ASTN2: variants seen among roughly 807,000 people sequenced by gnomAD.
ASTN2 encodes the protein astrotactin-2.
In ASTN2, 54 loss-of-function variants were observed where a neutral mutation model predicts 139.8. The ratio of observed to expected loss-of-function variants is 0.39; its 90% CI spans 0.31 to 0.48. ASTN2 has a LOEUF of 0.48. ASTN2 is among the 20% of genes least tolerant of loss of function. The pLI is 0.95. For synonymous variants in ASTN2, 756 were observed against 719.5 expected (o/e 1.05, Z -0.81); for missense variants, 1,565 against 1,725.1 (o/e 0.91, Z 1.64).
intron 1 of ASTN2, among the ~76,000 whole-genome samples, chr9:117,352,168 C>A (rs1187059428): frequency 6.6e-6 from 1 of 152,014 alleles, no homozygotes; most frequent in Non-Finnish European, 1.5e-5. Context: ...CAGGTCAGAC[C>A]CCAGAAAACA....
chr9:117,239,364 C>A (rs1833140762), intron 2 of ASTN2, among the ~76,000 whole-genome samples: 2 of 152,118 alleles, frequency 1.3e-5, no homozygotes, highest in Non-Finnish European at 2.9e-5. Context: ...GTGGTAAAAC[C>A]TGTCCACATG....
intron 3 of ASTN2, among the ~76,000 whole-genome samples, chr9:117,151,258 T>A (rs534960608): frequency 1.3e-5 from 2 of 152,258 alleles, no homozygotes; most frequent in African/African-American, 4.8e-5. Flanking sequence ...GACAGTGGAA[T>A]CCAATAATCC....
chr9:117,187,716 C>T (rs1301369157), intron 3 of ASTN2, among the ~76,000 whole-genome samples: 1 of 152,206 alleles, frequency 6.6e-6, no homozygotes, highest in Non-Finnish European at 1.5e-5. Flanking sequence ...TCACCAGATG[C>T]AGCCCTCCTA....
At chr9:117,371,273 C>T (rs536715084) in intron 1 of ASTN2, among the ~76,000 whole-genome samples, 35 of 152,296 alleles carry the variant, frequency 2.3e-4, no homozygotes, top group African/African-American at 7.0e-4. Context: ...GGACATTCCG[C>T]ACACAACTGG....
intron 16 of ASTN2, among the ~76,000 whole-genome samples, chr9:116,654,117 C>G (rs914490245): frequency 6.6e-6 from 1 of 152,166 alleles, no homozygotes; most frequent in African/African-American, 2.4e-5. Flanking sequence ...AGAGTCAGAG[C>G]AATGAGGACA....
intron 19 of ASTN2, among the ~76,000 whole-genome samples, chr9:116,599,595 G>A (rs140579447): frequency 1.3e-5 from 2 of 152,308 alleles, no homozygotes; most frequent in East Asian, 3.9e-4. Flanking sequence ...CACTGGTATG[G>A]ACAGATATGA....
At chr9:117,262,063 G>A (rs542366195) in intron 2 of ASTN2, among the ~76,000 whole-genome samples, 45 of 152,114 alleles carry the variant, frequency 3.0e-4, no homozygotes, top group African/African-American at 1.0e-3. Context: ...CTATCATTTA[G>A]GAATCAGAGA....
intron 5 of ASTN2, among the ~76,000 whole-genome samples, chr9:117,060,487 AT>A (rs1839247842): frequency 1.0e-3 from 75 of 72,302 alleles, no homozygotes; most frequent in Admixed American, 1.5e-3. Context: ...GAAGGAAGGA[AT>A]GAAAGAAAGA....
At chr9:117,002,007 C>T (rs1436209957) in intron 7 of ASTN2, among the ~76,000 whole-genome samples, 1 of 152,140 alleles carries the variant, frequency 6.6e-6, no homozygotes, top group Non-Finnish European at 1.5e-5. Context: ...CTAAATTTTA[C>T]AAAGTGGATC....
At chr9:117,141,587 G>C (rs1398517349) in intron 3 of ASTN2, 109 bp from the exon 4 acceptor site, 5 of 1,021,934 alleles carry the variant, frequency 4.9e-6, no homozygotes, top group East Asian at 5.7e-5. Context: ...TAGAGCACTA[G>C]ACCTGGCCAC....
intron 22 of ASTN2, among the ~76,000 whole-genome samples, chr9:116,433,830 T>C (rs1847567731): frequency 6.6e-6 from 1 of 152,236 alleles, no homozygotes; most frequent in African/African-American, 2.4e-5. Flanking sequence ...AAATGTGATT[T>C]GTAAGGTGCC....
intron 1 of ASTN2, among the ~76,000 whole-genome samples, chr9:117,387,994 C>T (rs918590222): frequency 1.3e-5 from 2 of 152,140 alleles, no homozygotes; most frequent in African/African-American, 4.8e-5. Flanking sequence ...TCAAGAACCA[C>T]TTCAGAAAGG....
intron 13 of ASTN2, among the ~76,000 whole-genome samples, chr9:116,772,633 C>T (rs140291582): frequency 1.3e-5 from 2 of 152,226 alleles, no homozygotes; most frequent in African/African-American, 4.8e-5. Context: ...GTGAACTATT[C>T]CTTAAAAGAC....
intron 10 of ASTN2, among the ~76,000 whole-genome samples, chr9:116,864,370 T>C (rs866042691): frequency 5.3e-5 from 8 of 152,262 alleles, no homozygotes; most frequent in Middle Eastern, 3.4e-3. Flanking sequence ...TATAAGTCAC[T>C]CCATCAAGAC....
intron 4 of ASTN2, among the ~76,000 whole-genome samples, chr9:117,118,550 C>T (rs986429742): frequency 9.2e-5 from 14 of 152,184 alleles, no homozygotes; most frequent in African/African-American, 2.9e-4. Flanking sequence ...ATTCCCAATG[C>T]CTATTCCATG....
intron 17 of ASTN2, among the ~76,000 whole-genome samples, chr9:116,632,192 GAGAGAAAGAAAGAAA>G (rs1373887021): frequency 2.6e-4 from 3 of 11,470 alleles, no homozygotes; most frequent in Non-Finnish European, 4.3e-4. Flanking sequence ...GAGGGAGAGA[GAGAGAAAGAAAGAAA>G]AGAAAGAAAG....
chr9:117,217,687 C>T (rs1832371954), intron 2 of ASTN2, among the ~76,000 whole-genome samples: 1 of 152,136 alleles, frequency 6.6e-6, no homozygotes, highest in African/African-American at 2.4e-5. Context: ...GTCATGAAGG[C>T]TAAATAAGAT....
At chr9:116,649,750 TAC>T (rs1857803270) in intron 17 of ASTN2, among the ~76,000 whole-genome samples, 1 of 149,016 alleles carries the variant, frequency 6.7e-6, no homozygotes, top group Non-Finnish European at 1.5e-5. Flanking sequence ...TTGGGTTTTT[TAC>T]AGAGGCCTCC....
In ASTN2 at chr9:117,213,485, T is replaced by C. The variant is rs149437536; in HGVS notation, c.1015+873A>G. On this transcript the variant is annotated intron_variant, in intron 3 of 22. Transcript: ENST00000313400. ...GCAAAGAAATGATCAATGTTTAAGATGATTGATATACTAATTACCCTGATC... is the reference window on the plus strand; with the variant it reads ...GCAAAGAAATGATCAATGTTTAAGACGATTGATATACTAATTACCCTGATC... 8.5e-3 allele frequency among the ~76,000 whole-genome samples: 1,297 copies of C among 152,314 alleles called. 19 individuals carry two copies. Among genetic ancestry groups the C allele is most frequent in the African/African-American group, 0.03 (1,244 of 41,568 alleles).
Sources: gnomAD v4.1 joint callset for allele counts (sites outside exome capture counted in the v4.1 genomes callset) on GRCh38, gnomAD v4.1.1 for gene constraint, MANE v1.5 for transcripts, NCBI Gene and HGNC (gene_info 2026-07-23, HGNC 2026-07-21) for gene names.